Variants in CSMD1 observed in about 807,000 individuals in gnomAD.
CSMD1 encodes the protein CUB and sushi domain-containing protein 1.
A neutral mutation model predicts 417.5 loss-of-function variants in CSMD1; 213 were observed. The ratio of observed to expected loss-of-function variants is 0.51; its 90% CI spans 0.46 to 0.57. CSMD1 has a LOEUF of 0.57. Ranked by LOEUF, CSMD1 falls within the 20% of genes least tolerant of loss-of-function variation. CSMD1 has a pLI of 0.00. For missense variants in CSMD1, 6,923 were observed against 4,529.7 expected, an observed-to-expected ratio of 1.53 and a Z score of -15.17; for synonymous variants, 2,862 against 1,736.8, an observed-to-expected ratio of 1.65 and a Z score of -16.11.
chr8:4,829,771 T>C (rs908123450), intron 1 of CSMD1, among the ~76,000 whole-genome samples: 2 of 150,494 alleles, frequency 1.3e-5, no homozygotes, highest in Admixed American at 6.6e-5. Context: ...CTCACATTTA[T>C]GTAGCTGTTT....
intron 1 of CSMD1, among the ~76,000 whole-genome samples, chr8:4,969,561 C>A (rs1270228439): frequency 6.6e-6 from 1 of 151,746 alleles, no homozygotes; most frequent in African/African-American, 2.4e-5. Flanking sequence ...ACTCTTATCT[C>A]ACAACAGCTC....
At chr8:3,317,891 G>C (rs979865394) in intron 23 of CSMD1, among the ~76,000 whole-genome samples, 57 of 152,258 alleles carry the variant, frequency 3.7e-4, no homozygotes, top group African/African-American at 1.2e-3. Flanking sequence ...GCTCACTACA[G>C]CCTTGACCTA....
chr8:4,231,836 A>G (rs796569699), intron 3 of CSMD1, among the ~76,000 whole-genome samples: 18 of 152,332 alleles, frequency 1.2e-4, no homozygotes, highest in Middle Eastern at 3.4e-3. Context: ...AGCACCCAGA[A>G]TATCTGTACA....
At chr8:3,248,819 A>G (rs149260622) in intron 26 of CSMD1, among the ~76,000 whole-genome samples, 31 of 152,228 alleles carry the variant, frequency 2.0e-4, no homozygotes, top group Middle Eastern at 3.4e-3. Flanking sequence ...TCACTTGGCT[A>G]AATTCTACTT....
intron 5 of CSMD1, among the ~76,000 whole-genome samples, chr8:3,908,202 A>G (rs867111742): frequency 2.0e-5 from 3 of 152,194 alleles, no homozygotes; most frequent in East Asian, 1.9e-4. Context: ...TACTAAGCAC[A>G]TAATAGTCAT....
chr8:4,778,271 G>A (rs1444770544), intron 1 of CSMD1, among the ~76,000 whole-genome samples: 2 of 151,956 alleles, frequency 1.3e-5, no homozygotes, highest in African/African-American at 4.8e-5. Flanking sequence ...GTGGCACATG[G>A]GCTGGTCATC....
Position 4,589,977 on chromosome 8 carries a change from G to T in CSMD1, c.302+47365C>A, listed in dbSNP as rs890304171. On this transcript the variant is annotated intron_variant, in intron 2 of 69. Transcript: ENST00000635120. ...TCCTAGGTTACTAGGCTAAGCAAGT[G>T]CTTAAGATACTGTCTGTTCTAAAAG... 5.9e-5 allele frequency among the ~76,000 whole-genome samples: 9 copies of T among 152,304 alleles called. No homozygotes were observed. The South Asian group carries it at 1.9e-3, about 32-fold the overall frequency.
chr8:3,979,642 TC>T (rs1360504780), intron 5 of CSMD1, among the ~76,000 whole-genome samples: 1 of 152,110 alleles, frequency 6.6e-6, no homozygotes, highest in Non-Finnish European at 1.5e-5. Context: ...CAGAGCTCTC[TC>T]CCCGCCTTGT....
chr8:4,055,474 A>C (rs796254733), intron 3 of CSMD1, among the ~76,000 whole-genome samples: 2 of 152,164 alleles, frequency 1.3e-5, no homozygotes, highest in African/African-American at 4.8e-5. Context: ...AATTATATGA[A>C]ATACATATGT....
At chr8:3,576,980 T>C (rs1291737525) in intron 9 of CSMD1, among the ~76,000 whole-genome samples, 1 of 152,224 alleles carries the variant, frequency 6.6e-6, no homozygotes, top group Non-Finnish European at 1.5e-5. Context: ...TGTGAAGCAA[T>C]GTAACCATAT....
chr8:2,994,268 C>G (rs796918675), intron 54 of CSMD1, among the ~76,000 whole-genome samples: 4 of 151,132 alleles, frequency 2.6e-5, no homozygotes, highest in African/African-American at 9.7e-5. Flanking sequence ...CTCGTGTGTA[C>G]TGATTGCTGA....
chr8:4,423,165 T>C (rs113541062), intron 2 of CSMD1, among the ~76,000 whole-genome samples: 4 of 152,124 alleles, frequency 2.6e-5, no homozygotes, highest in African/African-American at 7.2e-5. Context: ...AAGTCAAGAA[T>C]GCTTTGAACA....
At chr8:3,517,681 C>A (rs905677008) in intron 10 of CSMD1, among the ~76,000 whole-genome samples, 5 of 152,218 alleles carry the variant, frequency 3.3e-5, no homozygotes, top group East Asian at 1.9e-4. Context: ...CAATTTTTCA[C>A]TTGTAGACAC....
chr8:3,668,297 T>C (rs759682422), intron 7 of CSMD1, among the ~76,000 whole-genome samples: 24 of 152,082 alleles, frequency 1.6e-4, no homozygotes, highest in Non-Finnish European at 2.8e-4. Context: ...AAGGAAGATA[T>C]GAAGTGAGAG....
At chr8:4,474,755 C>G (rs1563214330) in intron 2 of CSMD1, among the ~76,000 whole-genome samples, 1 of 152,148 alleles carries the variant, frequency 6.6e-6, no homozygotes, top group South Asian at 2.1e-4. Flanking sequence ...AAATACCACA[C>G]CTCCTGTTTC....
At chr8:3,715,400 C>T (rs537921589) in intron 6 of CSMD1, among the ~76,000 whole-genome samples, 2 of 152,290 alleles carry the variant, frequency 1.3e-5, no homozygotes, top group African/African-American at 2.4e-5. Context: ...CCCTAAAGCT[C>T]ATCACCTTGA....
intron 3 of CSMD1, among the ~76,000 whole-genome samples, chr8:4,047,270 G>C (rs1051722095): frequency 1.3e-5 from 2 of 152,086 alleles, no homozygotes; most frequent in South Asian, 2.1e-4. Context: ...CATGTATTCT[G>C]GAGTGGGAGG....
At chr8:4,488,686 G>C (rs1421713156) in intron 2 of CSMD1, among the ~76,000 whole-genome samples, 1 of 151,734 alleles carries the variant, frequency 6.6e-6, no homozygotes, top group Non-Finnish European at 1.5e-5. Context: ...CATGGCGGTG[G>C]GGGGGGTGAA....
At chr8:4,065,904 C>T (rs192636162) in intron 3 of CSMD1, among the ~76,000 whole-genome samples, 76 of 152,242 alleles carry the variant, frequency 5.0e-4, no homozygotes, top group African/African-American at 1.4e-3. Context: ...CAAAGAAGAA[C>T]AAAGTGGCCC....
Sources: allele counts gnomAD v4.1 joint callset (sites outside exome capture counted in the v4.1 genomes callset), GRCh38; gene constraint gnomAD v4.1.1; transcripts MANE v1.5; gene names NCBI Gene and HGNC (gene_info 2026-07-23, HGNC 2026-07-21).